SKI: variants seen among roughly 807,000 people sequenced by gnomAD.
The protein encoded by SKI is SKI proto-oncogene.
SKI carries 23 observed loss-of-function variants against 59.3 expected under a neutral mutation model. That is an observed-to-expected ratio of 0.39 (90% CI 0.28 to 0.55). SKI has a LOEUF of 0.55. SKI is among the 20% of genes least tolerant of loss of function. The pLI is 0.67. For missense variants in SKI, 1,017 were observed against 1,038.9 expected (o/e 0.98, Z 0.29); for synonymous variants, 673 against 488.6 (o/e 1.38, Z -4.98).
chr1:2,290,059 T>G (rs1640128491), intron 1 of SKI, among the ~76,000 whole-genome samples: 1 of 152,264 alleles, frequency 6.6e-6, no homozygotes, highest in Middle Eastern at 3.4e-3. Flanking sequence ...CCCTCTTGTG[T>G]GGCGCCGGGG....
At chr1:2,234,253 C>T (rs1269624198) in intron 1 of SKI, among the ~76,000 whole-genome samples, 1 of 152,178 alleles carries the variant, frequency 6.6e-6, no homozygotes, top group African/African-American at 2.4e-5. Context: ...AGGGCATGGG[C>T]AGCTGCCCCC....
intron 1 of SKI, among the ~76,000 whole-genome samples, chr1:2,288,235 C>T (rs1640087336): frequency 6.6e-6 from 1 of 151,868 alleles, no homozygotes; most frequent in South Asian, 2.1e-4. Context: ...GATCCACCCG[C>T]CTCAGCCTCC....
At chr1:2,275,926 AC>A (rs1383706393) in intron 1 of SKI, among the ~76,000 whole-genome samples, 4 of 149,292 alleles carry the variant, frequency 2.7e-5, no homozygotes, top group African/African-American at 9.9e-5. Context: ...GTCACTGCCC[AC>A]CCTCCCTGCC....
intron 1 of SKI, among the ~76,000 whole-genome samples, chr1:2,234,885 C>A (rs557717745): frequency 3.3e-5 from 5 of 152,180 alleles, no homozygotes; most frequent in Non-Finnish European, 7.3e-5. Context: ...GGCTCTTCCC[C>A]TCCTGAGCAG....
At position 2,304,293 on chromosome 1, in the gene SKI, T is replaced by C. The variant is rs1206452604; in HGVS notation, c.1475T>C (p.Phe492Ser). The stretch of plus-strand genomic sequence containing the variant: ...GTTTCTGTCTCTGCTTCCTCCTCAG[T>C]CACCTCCTCCTTGTCCTCGCTCTCT... ...AEVEVESREE[F>S]TSSLSSLSSP... The change falls in exon 5 of 7, where the codon TTC (phenylalanine) becomes TCC (serine). Residue 492 changes from phenylalanine (F) to serine (S), a missense_variant and splice_region_variant. By Grantham distance (155) the Phe-to-Ser change is radical. Coordinates refer to ENST00000378536, the MANE Select transcript of SKI (RefSeq NM_003036.4). The C allele has an allele frequency of 6.4e-7, 1 of 1,551,708 alleles. No individual in the cohort carries two copies.
Position 2,303,809 on chromosome 1 carries a change from G to T in SKI, c.1212-31G>T, listed in dbSNP as rs1431687172. On this transcript the variant is annotated intron_variant, in intron 3 of 6. Coordinates refer to ENST00000378536, the MANE Select transcript of SKI (RefSeq NM_003036.4). This position sits in a 1 kb window ranked among gnomAD's most constrained non-coding sequence, Gnocchi z 5.6. ...GTCTGGGTGGTGCTTGGGGACAGAG[G>T]CACCTTCCCGACACCCGCCTGCCCC... The T allele has an allele frequency of 6.2e-7, 1 of 1,610,340 alleles. No homozygotes were observed.
intron 1 of SKI, among the ~76,000 whole-genome samples, chr1:2,234,015 C>T (rs1638699377): frequency 2.0e-5 from 3 of 152,314 alleles, no homozygotes; most frequent in African/African-American, 7.2e-5. Context: ...TTTTCTCCAG[C>T]TTTTCGTGGG....
rs2376535 is a variant in SKI at position 2,293,648 on chromosome 1, T to C, written c.970-9330T>C. 2.0e-5 allele frequency among the ~76,000 whole-genome samples: 3 copies of C among 152,326 alleles called. No individual in the cohort carries two copies. The East Asian group carries it at 5.8e-4, about 29-fold the overall frequency. ...GTCTCCTTCTCATTCCCCCGTGTCT[T>C]GCTTTAAGCTGCGTGTCCTCGTGTT... On this transcript the variant is annotated intron_variant, in intron 1 of 6. Transcript: ENST00000378536.
At chr1:2,273,931 G>C (rs150998412) in intron 1 of SKI, among the ~76,000 whole-genome samples, 252 of 152,304 alleles carry the variant, frequency 1.7e-3, no homozygotes, top group South Asian at 6.2e-3. Context: ...CTGGCTGGAA[G>C]GTGACGGCAT....
chr1:2,297,351 CAG>C lies in SKI; in HGVS notation c.970-5624_970-5623del, dbSNP rs1640309635. ...CACACCGAAGAGAACCTCAGCGTAGCAGAGTGTTGCTGGGCCATGTGCTTCAG... is the reference window on the plus strand; with the variant it reads ...CACACCGAAGAGAACCTCAGCGTAGCAGTGTTGCTGGGCCATGTGCTTCAG... On this transcript the variant is annotated intron_variant, in intron 1 of 6. Transcript: ENST00000378536. Among the ~76,000 whole-genome samples, 5 of 152,348 alleles carry C rather than the reference CAG, an allele frequency of 3.3e-5. No homozygotes were observed. The South Asian group carries it at 8.3e-4, about 25-fold the overall frequency.
intron 1 of SKI, among the ~76,000 whole-genome samples, chr1:2,265,490 C>G (rs1360493961): frequency 6.6e-6 from 1 of 152,128 alleles, no homozygotes; most frequent in African/African-American, 2.4e-5. Flanking sequence ...TTATTTTACT[C>G]TTTTAAATAT....
At chr1:2,255,487 C>T (rs1450042702) in intron 1 of SKI, among the ~76,000 whole-genome samples, 1 of 152,182 alleles carries the variant, frequency 6.6e-6, no homozygotes, top group East Asian at 1.9e-4. Flanking sequence ...CACACTGTGT[C>T]CTGACCTCAT....
intron 1 of SKI, among the ~76,000 whole-genome samples, chr1:2,239,601 G>A (rs1338912798): frequency 1.1e-4 from 17 of 152,388 alleles, no homozygotes; most frequent in African/African-American, 3.4e-4. Context: ...CCGGGGACCC[G>A]CAAGGTGTGC....
chr1:2,276,413 G>A (rs542279644), intron 1 of SKI, among the ~76,000 whole-genome samples: 3 of 152,270 alleles, frequency 2.0e-5, no homozygotes, highest in African/African-American at 4.8e-5. Context: ...TCAGCAAGCC[G>A]GAAATGCGTG....
intron 1 of SKI, among the ~76,000 whole-genome samples, chr1:2,301,653 C>T (rs778147771): frequency 6.6e-6 from 1 of 152,098 alleles, no homozygotes; most frequent in Non-Finnish European, 1.5e-5. Flanking sequence ...CCTGCTGCCT[C>T]CAGGAGGCTG....
intron 1 of SKI, among the ~76,000 whole-genome samples, chr1:2,263,234 ATTTTTTTTTT>A (rs35975887): frequency 8.4e-6 from 1 of 118,474 alleles, no homozygotes; most frequent in East Asian, 2.5e-4. Flanking sequence ...TTTGCTTAGA[ATTTTTTTTTT>A]TTTTTTTTTT....
chr1:2,290,416 A>T (rs1444583337), intron 1 of SKI, among the ~76,000 whole-genome samples: 1 of 152,200 alleles, frequency 6.6e-6, no homozygotes, highest in Non-Finnish European at 1.5e-5. Flanking sequence ...TGCACTGCTC[A>T]GCCTGAGCAC....
intron 1 of SKI, among the ~76,000 whole-genome samples, chr1:2,288,771 C>T (rs1461246859): frequency 6.6e-6 from 1 of 152,130 alleles, no homozygotes; most frequent in Non-Finnish European, 1.5e-5. Context: ...GGGGTCATGG[C>T]AGTGCCCTCA....
intron 1 of SKI, among the ~76,000 whole-genome samples, chr1:2,251,520 C>T (rs987211555): frequency 6.6e-6 from 1 of 152,178 alleles, no homozygotes; most frequent in African/African-American, 2.4e-5. Flanking sequence ...ATGGTGTGTT[C>T]ACTCCTGTCC....
Sources: allele counts gnomAD v4.1 joint callset (sites outside exome capture counted in the v4.1 genomes callset), GRCh38; gene constraint gnomAD v4.1.1; non-coding constraint Gnocchi (gnomAD v3.1); transcripts MANE v1.5; gene names NCBI Gene and HGNC (gene_info 2026-07-23, HGNC 2026-07-21).